Variants in DENND3 observed in about 807,000 individuals in gnomAD.
The protein encoded by DENND3 is DENN domain-containing protein 3.
Under a neutral mutation model 135.1 loss-of-function variants are expected in DENND3, and 88 were observed. The ratio of observed to expected loss-of-function variants is 0.65; its 90% CI spans 0.55 to 0.78. The LOEUF (loss-of-function observed/expected upper bound fraction) is 0.78, where lower values mean the gene tolerates loss of function less well. Ranked by LOEUF, DENND3 falls within the 30% of genes least tolerant of loss-of-function variation. DENND3 has a pLI of 0.00. For missense variants in DENND3, 1,392 were observed against 1,688.4 expected, an observed-to-expected ratio of 0.82 and a Z score of 3.08; for synonymous variants, 693 against 712.3, an observed-to-expected ratio of 0.97 and a Z score of 0.43.
At chr8:141,190,108 A>ATGTT (rs911813281) in intron 19 of DENND3, among the ~76,000 whole-genome samples, 176 bp from the exon 20 acceptor site, 6 of 151,260 alleles carry the variant, frequency 4.0e-5, no homozygotes, top group African/African-American at 1.5e-4. Context: ...TGTTATTATC[A>ATGTT]TGTTTGCAGG....
intron 5 of DENND3, among the ~76,000 whole-genome samples, chr8:141,149,738 G>A (rs1055556970): frequency 2.6e-5 from 4 of 152,260 alleles, no homozygotes; most frequent in African/African-American, 9.6e-5. Flanking sequence ...ACGGGCATGA[G>A]GAGAATGTGA....
At chr8:141,158,207 G>A (rs1213391682) in intron 8 of DENND3, 1 of 1,289,634 alleles carries the variant, frequency 7.8e-7, no homozygotes, top group Admixed American at 2.3e-5. Context: ...GGGCACCTGA[G>A]CAGCTGTTCT....
intron 8 of DENND3, among the ~76,000 whole-genome samples, chr8:141,159,016 T>G (rs1819798784): frequency 6.6e-6 from 1 of 152,260 alleles, no homozygotes; most frequent in African/African-American, 2.4e-5. Flanking sequence ...CTGCGTGTTC[T>G]TTCAGATGAA....
chr8:141,150,946 T>C lies in DENND3; in HGVS notation c.848T>C (p.Val283Ala), dbSNP rs1397723793. ...TTGCTGTGCTTCAGGCCTGAGAAGG[T>C]GCTACAGGTACGCGGCCCCGCCCCG... ...LPLLCFRPEK[V>A]LQILTCILTE... is the part of the protein sequence containing the mutation. Residue 283 changes from valine (V) to alanine (A), a missense_variant, in exon 6 of 23, where the codon GTG becomes GCG. Transcript: ENST00000519811. 3 of 1,575,174 alleles carry C rather than the reference T, an allele frequency of 1.9e-6. No homozygotes were observed. The highest frequency in any genetic ancestry group is 1.4e-5 in the African/African-American group (1 of 73,124).
intron 1 of DENND3, among the ~76,000 whole-genome samples, chr8:141,135,385 C>T (rs1163887176): frequency 6.6e-6 from 1 of 152,146 alleles, no homozygotes; most frequent in Non-Finnish European, 1.5e-5. Flanking sequence ...CTCCTGGGCT[C>T]AAGCAGTCCT....
intron 13 of DENND3, among the ~76,000 whole-genome samples, chr8:141,171,530 G>C (rs1821557249): frequency 1.3e-5 from 2 of 152,226 alleles, no homozygotes; most frequent in African/African-American, 4.8e-5. Context: ...AGGCGTGTGG[G>C]TGACGAGAGA....
At chr8:141,161,700 G>C (rs1238965449) in intron 9 of DENND3, among the ~76,000 whole-genome samples, 1 of 151,954 alleles carries the variant, frequency 6.6e-6, no homozygotes, top group African/African-American at 2.4e-5. Flanking sequence ...GGCCTCCTCT[G>C]TTCTTGAGGG....
In DENND3 at chr8:141,195,800, A is replaced by C. The variant is rs754018362; in HGVS notation, c.*1567A>C. ...TTGTGGAGAATAAATCTGGTTTAAT[A>C]AACACTGATGTCCGGCTCCTTACTT... is the stretch of plus-strand genomic sequence containing the variant. On this transcript the variant is annotated 3_prime_UTR_variant, in exon 23 of 23. Coordinates refer to ENST00000519811, the MANE Select transcript of DENND3 (RefSeq NM_001352890.3). 7 of 152,160 alleles carry C rather than the reference A, an allele frequency of 4.6e-5. No homozygotes were observed. The highest frequency in any genetic ancestry group is 7.2e-5 in the African/African-American group (3 of 41,438). The allele number at this position is 152,160 out of a possible 1,614,324, so 9.4% of individuals were successfully genotyped here.
At position 141,190,117 on chromosome 8, in the gene DENND3, G is replaced by T. The variant is rs73713359; in HGVS notation, c.3246-167G>T. ...TTTGCATGTTATTATCATGTTTGCA[G>T]GTTACGTTTGCAGGTTATTATGTTT... is the stretch of plus-strand genomic sequence containing the variant. On this transcript the variant is annotated intron_variant, in intron 19 of 22. Transcript: ENST00000519811. Among the ~76,000 whole-genome samples, 1,319 of 93,168 alleles carry T rather than the reference G, an allele frequency of 0.014. 12 individuals are homozygous for T. The highest frequency in any genetic ancestry group is 0.065 in the Middle Eastern group (12 of 184). The allele number at this position is 93,168 out of a possible 152,430, so 61.1% of individuals were successfully genotyped here.
At chr8:141,140,247 A>G (rs534762558) in intron 3 of DENND3, among the ~76,000 whole-genome samples, 1 of 150,538 alleles carries the variant, frequency 6.6e-6, no homozygotes, top group Non-Finnish European at 1.5e-5. Flanking sequence ...CCTCTCATAC[A>G]CTCTCCTCTG....
Position 141,166,187 on chromosome 8 carries a change from C to T in DENND3, c.1554-3C>T. On this transcript the variant is annotated splice_region_variant and splice_polypyrimidine_tract_variant and intron_variant, in intron 11 of 22. Transcript: ENST00000519811. The surrounding 1 kb of genome is among the most constrained non-coding windows in gnomAD (Gnocchi z 4.3). ...ACTAACGCGTTGCTTTTTCGTACCC[C>T]AGAATAAATGGAATGCTTCTAAGTC... The T allele has an allele frequency of 6.2e-7, 1 of 1,613,674 alleles. No homozygotes were observed. The highest frequency in any genetic ancestry group is 8.5e-7 in the Non-Finnish European group (1 of 1,179,858).
chr8:141,147,384 A>T (rs1463755619), intron 5 of DENND3, among the ~76,000 whole-genome samples: 1 of 152,130 alleles, frequency 6.6e-6, no homozygotes, highest in African/African-American at 2.4e-5. Flanking sequence ...TACCTTCCTC[A>T]GTCCTGCAGC....
intron 18 of DENND3, chr8:141,185,554 G>A: frequency 2.8e-6 from 1 of 355,792 alleles, no homozygotes; most frequent in Non-Finnish European, 5.3e-6. Flanking sequence ...ATAGATTGCA[G>A]GGGCTCACAC....
intron 5 of DENND3, among the ~76,000 whole-genome samples, chr8:141,149,735 T>C (rs1020226746): frequency 1.1e-4 from 17 of 152,252 alleles, no homozygotes; most frequent in Admixed American, 2.0e-4. Flanking sequence ...GGCACGGGCA[T>C]GAGGAGAATG....
intron 5 of DENND3, among the ~76,000 whole-genome samples, chr8:141,147,190 C>CT (rs1818255917): frequency 6.6e-6 from 1 of 152,200 alleles, no homozygotes; most frequent in Admixed American, 6.5e-5. Flanking sequence ...CATTTCCTTG[C>CT]TGCCACTTCA....
At position 141,130,186 on chromosome 8, in the gene DENND3, A is replaced by G. The variant is rs1385568025; in HGVS notation, c.102+1377A>G. ...ATGTCTTTTGAGGGCAGGGCGAATC[A>G]ACTGGAATATTTGCAGTGGTGCTTT... On this transcript the variant is annotated intron_variant, in intron 1 of 22. Transcript: ENST00000519811. The surrounding 1 kb of genome is among the most constrained non-coding windows in gnomAD (Gnocchi z 4.2). 6.6e-6 allele frequency among the ~76,000 whole-genome samples: 1 copy of G among 152,166 alleles called. No homozygotes were observed. The highest frequency in any genetic ancestry group is 1.5e-5 in the Non-Finnish European group (1 of 68,038).
intron 7 of DENND3, among the ~76,000 whole-genome samples, chr8:141,153,560 T>A (rs887308941): frequency 6.6e-6 from 1 of 152,172 alleles, no homozygotes; most frequent in Non-Finnish European, 1.5e-5. Flanking sequence ...CCCACAAGTG[T>A]TGGGAAGGGC....
In DENND3 at chr8:141,193,242, C is replaced by T. The variant is rs79771552; in HGVS notation, c.3636+579C>T. 9.9e-3 allele frequency: 1,655 copies of T among 166,536 alleles called. 20 individuals carry two copies. Among genetic ancestry groups the T allele is most frequent in the African/African-American group, 0.038 (1,597 of 41,782 alleles). The allele number at this position is 166,536 out of a possible 1,614,324, so 10.3% of individuals were successfully genotyped here. A position where few individuals can be genotyped will look rare whatever the true frequency, so the allele number is the denominator to read the frequency against. The stretch of plus-strand genomic sequence containing the variant: ...TTCAGAGGATATGGATTTGGGGGGA[C>T]ACTGTTCAACCCATTACAGTCTGCC... On this transcript the variant is annotated intron_variant, in intron 22 of 22. Transcript: ENST00000519811.
intron 8 of DENND3, chr8:141,157,759 CTTTTT>C (rs374868733): frequency 2.2e-5 from 21 of 946,254 alleles, no homozygotes; most frequent in Non-Finnish European, 2.2e-5. Context: ...AAAACTACCT[CTTTTT>C]TTTTTTTTTT....
Sources: gnomAD v4.1 joint callset for allele counts (sites outside exome capture counted in the v4.1 genomes callset) on GRCh38, gnomAD v4.1.1 for gene constraint, Gnocchi (gnomAD v3.1) non-coding constraint, MANE v1.5 for transcripts, NCBI Gene and HGNC (gene_info 2026-07-23, HGNC 2026-07-21) for gene names.